The following LRRC56 variants were observed in gnomAD, a reference collection of about 807,000 sequenced individuals.
LRRC56 encodes the protein leucine rich repeat containing 56.
A neutral mutation model predicts 47.8 loss-of-function variants in LRRC56; 41 were observed. That is an observed-to-expected ratio of 0.86 (90% CI 0.67 to 1.11). The LOEUF (loss-of-function observed/expected upper bound fraction) is 1.11. Ranked by LOEUF, LRRC56 falls within the 50% of genes most tolerant of loss-of-function variation. LRRC56 has a pLI of 0.00. For synonymous variants in LRRC56, 387 were observed against 311.2 expected (o/e 1.24, Z -2.56); for missense variants, 759 against 704.2 (o/e 1.08, Z -0.88).
At chr11:552,792 C>T (rs1218080064) in intron 13 of LRRC56, 90 bp downstream of exon 13, 8 of 1,080,610 alleles carry the variant, frequency 7.4e-6, no homozygotes, top group Non-Finnish European at 1.1e-5. Context: ...TCAGATGTGT[C>T]AACCTGGCCC....
At position 551,910 on chromosome 11, in the gene LRRC56, C is replaced by G; in HGVS notation, c.981C>G (p.Gly327=). 1 of 1,612,616 alleles carries G rather than the reference C, an allele frequency of 6.2e-7. No homozygotes were observed. Among genetic ancestry groups the G allele is most frequent in the South Asian group, 1.1e-5 (1 of 91,086 alleles). Residue 327 remains glycine, a synonymous_variant, in exon 11 of 14, where the codon GGC becomes GGG. Coordinates refer to ENST00000270115, the MANE Select transcript of LRRC56 (RefSeq NM_198075.4). ...DNTSSLTHGA[G]QVLCGNPTKG... is the part of the protein sequence containing the mutation. ...CCATGCTGTCTCTTGCAGGTGCTGGCCAAGTCCTCTGTGGGAACCCCACCA... is the reference window on the plus strand; with the variant it reads ...CCATGCTGTCTCTTGCAGGTGCTGGGCAAGTCCTCTGTGGGAACCCCACCA...
the LRRC56 span, among the ~76,000 whole-genome samples, chr11:522,910 G>A: frequency 5.3e-5 from 8 of 151,970 alleles, no homozygotes; most frequent in East Asian, 1.2e-3. Flanking sequence ...TTCCACGCCC[G>A]GCTAATTTTT....
chr11:544,442 G>A (rs1207600463), intron 5 of LRRC56, among the ~76,000 whole-genome samples: 3 of 152,238 alleles, frequency 2.0e-5, no homozygotes, highest in African/African-American at 7.2e-5. Context: ...ACAGACGAGG[G>A]GCGCGGAGCC....
chr11:552,697 C>A lies in LRRC56; in HGVS notation c.1310C>A (p.Ala437Asp). 2 of 1,603,960 alleles carry A rather than the reference C, an allele frequency of 1.2e-6. No homozygotes were observed. The highest frequency in any genetic ancestry group is 1.7e-6 in the Non-Finnish European group (2 of 1,175,268). Residue 437 changes from alanine to aspartate, a missense_variant, in exon 13 of 14, where the codon GCC (alanine) becomes GAC (aspartate). By Grantham distance (126) the Ala-to-Asp change is moderately radical (BLOSUM62 -2). Coordinates refer to ENST00000270115, the MANE Select transcript of LRRC56 (RefSeq NM_198075.4). ...ACTCCCTCCAGCCCCCCAAGCCTGG[C>A]CTCAGGTACTGAGCCTGCCCGCCTG... The part of the protein sequence containing the change: ...PKTPSSPPSL[A>D]SEPSGTSSQH...
In LRRC56 at chr11:554,367, T is replaced by TG. The variant is rs1180002474; in HGVS notation, c.*97dup. On this transcript the variant is annotated 3_prime_UTR_variant, in exon 14 of 14. Transcript: ENST00000270115. ...GCACAGAATACCTGGGCGGGTGTGT[T>TG]GGGGGGTGGAAGGAGTGCCTGGCCC... 5.8e-6 allele frequency: 7 copies of TG among 1,202,102 alleles called. No homozygotes were observed. Among genetic ancestry groups the TG allele is most frequent in the East Asian group, 5.9e-5 (2 of 33,792 alleles). 74.5% of individuals were successfully genotyped at this position (1,202,102 alleles called of 1,614,324 possible).
intron 13 of LRRC56, 63 bp downstream of exon 13, chr11:552,765 G>A: frequency 6.9e-7 from 1 of 1,439,040 alleles, no homozygotes; most frequent in Non-Finnish European, 9.5e-7. Flanking sequence ...CTTCTATAGG[G>A]GGGCCCTTAC....
intron 1 of LRRC56, among the ~76,000 whole-genome samples, chr11:538,313 C>T (rs1050077681): frequency 3.9e-5 from 6 of 152,190 alleles, no homozygotes; most frequent in African/African-American, 1.4e-4. Context: ...CCCGCCAGCT[C>T]ACGCCCTCCA....
chr11:522,232 C>CAATG, the LRRC56 span, among the ~76,000 whole-genome samples: 1 of 151,904 alleles, frequency 6.6e-6, no homozygotes, highest in African/African-American at 2.4e-5. Flanking sequence ...GCACGCACCA[C>CAATG]AATGGCTGGC....
the LRRC56 span, among the ~76,000 whole-genome samples, chr11:509,353 C>G: frequency 2.0e-5 from 3 of 152,218 alleles, no homozygotes; most frequent in African/African-American, 7.2e-5. Context: ...TTGCCATGAT[C>G]TCTTAGATTT....
intron 8 of LRRC56, among the ~76,000 whole-genome samples, chr11:550,564 G>A (rs997562294): frequency 6.6e-6 from 1 of 152,116 alleles, no homozygotes; most frequent in African/African-American, 2.4e-5. Context: ...AAAGAACCAC[G>A]TGTACACGGA....
At position 554,000 on chromosome 11, in the gene LRRC56, A is replaced by C; in HGVS notation, c.1353A>C (p.Ser451=). 1 of 1,611,564 alleles carries C rather than the reference A, an allele frequency of 6.2e-7. No homozygotes were observed. The highest frequency in any genetic ancestry group is 1.7e-5 in the Admixed American group (1 of 59,930). The change falls in exon 14 of 14, where the codon TCA becomes TCC. Residue 451 remains serine, a synonymous_variant. Transcript: ENST00000270115. ...CCTCGAGCCAGCACCTGGTCCCTTC[A>C]CCTCCCAAGCACCCAAGGCCACGAG... ...SGTSSQHLVP[S]PPKHPRPRDS...
At chr11:523,759 T>C in the LRRC56 span, among the ~76,000 whole-genome samples, 3 of 151,740 alleles carry the variant, frequency 2.0e-5, no homozygotes, top group Middle Eastern at 3.4e-3. Context: ...GGTGAAATCC[T>C]GTCCGTAAAA....
At chr11:548,693 C>T (rs531199863) in intron 6 of LRRC56, among the ~76,000 whole-genome samples, 3 of 152,106 alleles carry the variant, frequency 2.0e-5, no homozygotes, top group South Asian at 2.1e-4. Flanking sequence ...CTCCTGACCT[C>T]GTGATCTGCC....
the LRRC56 span, among the ~76,000 whole-genome samples, chr11:511,213 T>C: frequency 0.34 from 50,920 of 150,422 alleles, 8,645 homozygotes; most frequent in African/African-American, 0.4. Context: ...CCCAGCTACT[T>C]GGGAGGCTGA....
upstream of LRRC56, chr11:532,535 C>G: frequency 2.0e-6 from 3 of 1,512,730 alleles, no homozygotes; most frequent in South Asian, 3.6e-5. Context: ...GGGCGGGGCA[C>G]AAGGGAGGCT....
the LRRC56 span, among the ~76,000 whole-genome samples, chr11:511,608 G>A: frequency 2.0e-5 from 3 of 152,222 alleles, no homozygotes; most frequent in Admixed American, 2.0e-4. Context: ...CTGCAAGTGA[G>A]AAGGTCTTGG....
At chr11:507,458 G>A in the LRRC56 span, among the ~76,000 whole-genome samples, 3 of 152,198 alleles carry the variant, frequency 2.0e-5, no homozygotes, top group Middle Eastern at 3.4e-3. Context: ...CAGTAGGCGG[G>A]GCTTGGTGCC....
upstream of LRRC56, chr11:533,327 C>G (rs1851223560): frequency 6.2e-7 from 1 of 1,604,194 alleles, no homozygotes; most frequent in Non-Finnish European, 8.5e-7. Flanking sequence ...CCAGAGGGTC[C>G]CGGAGCTGGA....
the LRRC56 span, among the ~76,000 whole-genome samples, chr11:518,281 A>C: frequency 6.6e-6 from 1 of 151,486 alleles, no homozygotes; most frequent in South Asian, 2.1e-4. Flanking sequence ...TCCCGGGTTC[A>C]CGCCATTCTC....
Sources: gnomAD v4.1 joint callset for allele counts (sites outside exome capture counted in the v4.1 genomes callset) on GRCh38, gnomAD v4.1.1 for gene constraint, MANE v1.5 for transcripts, NCBI Gene and HGNC (gene_info 2026-07-23, HGNC 2026-07-21) for gene names.